The following STIL variants were observed in gnomAD, a reference collection of about 807,000 sequenced individuals.
The protein encoded by STIL is SCL-interrupting locus protein.
Under a neutral mutation model 110.1 loss-of-function variants are expected in STIL, and 55 were observed. The observed-to-expected ratio is 0.50, with a 90% confidence interval of 0.40 to 0.63. The LOEUF is 0.63. Among genes scored for constraint, STIL ranks in the 20% least tolerant of loss-of-function variants. The pLI, the probability that STIL is intolerant of heterozygous loss-of-function variation, is 0.00. For missense variants in STIL, 1,358 were observed against 1,530.0 expected, an observed-to-expected ratio of 0.89 and a Z score of 1.87; for synonymous variants, 481 against 530.0, an observed-to-expected ratio of 0.91 and a Z score of 1.27.
At position 47,281,222 on chromosome 1, in the gene STIL, A is replaced by G. The variant is rs1015455652; in HGVS notation, c.1249-13T>C. On this transcript the variant is annotated splice_polypyrimidine_tract_variant and intron_variant, in intron 11 of 16. Coordinates refer to ENST00000371877, the MANE Select transcript of STIL (RefSeq NM_001048166.1). Reference sequence around the variant, plus strand: ...GGATCTTAGAAATCTACAAATAAGAAAGAAATAGAAAAAAAAAGTATTTTT... The same window carrying G: ...GGATCTTAGAAATCTACAAATAAGAGAGAAATAGAAAAAAAAAGTATTTTT... 6.2e-7 allele frequency: 1 copy of G among 1,608,094 alleles called. No individual in the cohort carries two copies. Among genetic ancestry groups the G allele is most frequent in the African/African-American group, 1.3e-5 (1 of 74,474 alleles).
intron 10 of STIL, among the ~76,000 whole-genome samples, chr1:47,284,647 T>A (rs1056252221): frequency 6.6e-6 from 1 of 152,178 alleles, no homozygotes; most frequent in Non-Finnish European, 1.5e-5. Flanking sequence ...CCCAGCACTT[T>A]GGGAGGCCAA....
intron 16 of STIL, among the ~76,000 whole-genome samples, chr1:47,255,445 A>C (rs1644300857): frequency 6.6e-6 from 1 of 151,718 alleles, no homozygotes; most frequent in Non-Finnish European, 1.5e-5. Context: ...CTACTCAGGA[A>C]GCTAAAGTGG....
At chr1:47,285,840 T>G (rs1384240924) in intron 10 of STIL, among the ~76,000 whole-genome samples, 1 of 152,080 alleles carries the variant, frequency 6.6e-6, no homozygotes, top group Non-Finnish European at 1.5e-5. Context: ...ATTCTTCAAG[T>G]GTGTTTTAGA....
chr1:47,271,445 G>A (rs764283711), intron 13 of STIL, among the ~76,000 whole-genome samples: 12 of 151,304 alleles, frequency 7.9e-5, no homozygotes, highest in Non-Finnish European at 1.8e-4. Context: ...GGTGGCAGGC[G>A]CTTGTAGTCC....
chr1:47,312,915 C>G (rs1646176892), intron 1 of STIL: 1 of 152,166 alleles, frequency 6.6e-6, no homozygotes, highest in South Asian at 2.1e-4. Flanking sequence ...CTTTCCATAC[C>G]CACCACCTTA....
chr1:47,260,284 G>A lies in STIL; in HGVS notation c.3080+5C>T, dbSNP rs1478572009. On this transcript the variant is annotated splice_donor_5th_base_variant and intron_variant, in intron 16 of 16. Coordinates refer to ENST00000371877, the MANE Select transcript of STIL (RefSeq NM_001048166.1). ...CACTCTTTAAAACAAAATTTTAAAA[G>A]TTACCTGGCGTGATCCACGTTATGT... 8 of 1,605,176 alleles carry A rather than the reference G, an allele frequency of 5.0e-6. No homozygotes were observed. The South Asian group carries it at 8.0e-5, about 16-fold the overall frequency.
At chr1:47,272,317 A>G (rs1644865580) in intron 12 of STIL, 76 bp from the exon 13 acceptor site, 1 of 1,487,738 alleles carries the variant, frequency 6.7e-7, no homozygotes, top group African/African-American at 1.4e-5. Flanking sequence ...ATAATGAATT[A>G]CAAAGCGCCC....
At position 47,256,723 on chromosome 1, in the gene STIL, G is replaced by A. The variant is rs142215706; in HGVS notation, c.3080+3566C>T. 1.9e-3 allele frequency among the ~76,000 whole-genome samples: 288 copies of A among 149,586 alleles called. 2 individuals carry two copies. The highest frequency in any genetic ancestry group is 5.6e-3 in the South Asian group (26 of 4,680). ...AGAGTACAAAACATCGGCCAGGCAC[G>A]GTGGCTCACGCCTGTAATCCCAGCA... On this transcript the variant is annotated intron_variant, in intron 16 of 16. Transcript: ENST00000371877.
Position 47,260,279 on chromosome 1 carries a change from T to A in STIL, c.3080+10A>T. 6.2e-7 allele frequency: 1 copy of A among 1,604,564 alleles called. No homozygotes were observed. Among genetic ancestry groups the A allele is most frequent in the Non-Finnish European group, 8.5e-7 (1 of 1,176,862 alleles). The stretch of plus-strand genomic sequence containing the variant: ...TTATTCACTCTTTAAAACAAAATTT[T>A]AAAAGTTACCTGGCGTGATCCACGT... On this transcript the variant is annotated intron_variant, in intron 16 of 16. Transcript: ENST00000371877.
chr1:47,298,299 T>C lies in STIL; in HGVS notation c.701+1606A>G, dbSNP rs144106814. Among the ~76,000 whole-genome samples the C allele has an allele frequency of 1.3e-4, 20 of 152,324 alleles. No individual in the cohort carries two copies. The East Asian group carries it at 3.7e-3, about 28-fold the overall frequency. On this transcript the variant is annotated intron_variant, in intron 6 of 16. Transcript: ENST00000371877. Reference sequence around the variant, plus strand: ...CAAACTTTAAAGTAGAGTAGTTATATTGTCTAACCTAGTTTTATAAATAAT... The same window carrying C: ...CAAACTTTAAAGTAGAGTAGTTATACTGTCTAACCTAGTTTTATAAATAAT...
chr1:47,300,139 T>C lies in STIL; in HGVS notation c.467A>G (p.His156Arg), dbSNP rs141352790. 5.9e-4 allele frequency: 956 copies of C among 1,613,964 alleles called. 1 individual carries two copies. Among genetic ancestry groups the C allele is most frequent in the Non-Finnish European group, 7.8e-4 (917 of 1,179,968 alleles). Residue 156 changes from histidine to arginine, a missense_variant, in exon 6 of 17, where the codon CAT (histidine) becomes CGT (arginine). Coordinates refer to ENST00000371877, the MANE Select transcript of STIL (RefSeq NM_001048166.1). ...GTCCAAGGAATCTTTGCTACATATA[T>C]GGCACTGTAGAGCCTGAGAAATCAA... ...FSSALKALQC[H>R]ICSKDSLDCG... is the part of the protein sequence containing the mutation.
At position 47,289,483 on chromosome 1, in the gene STIL, G is replaced by A; in HGVS notation, c.975C>T (p.Asp325=). Residue 325 remains aspartate, a synonymous_variant, in exon 9 of 17, where the codon GAC becomes GAT. Coordinates refer to ENST00000371877, the MANE Select transcript of STIL (RefSeq NM_001048166.1). Reference sequence around the variant, plus strand: ...TACTGGTTAGCAACTGAAACCGAAAGTCAGGTATCTTGCCATCACAAGGGA... The same window carrying A: ...TACTGGTTAGCAACTGAAACCGAAAATCAGGTATCTTGCCATCACAAGGGA... ...ECFPCDGKIP[D]FRFQLLTSKE... The A allele has an allele frequency of 1.2e-6, 2 of 1,613,898 alleles. No homozygotes were observed. The highest frequency in any genetic ancestry group is 1.7e-6 in the Non-Finnish European group (2 of 1,179,846).
intron 16 of STIL, among the ~76,000 whole-genome samples, chr1:47,252,161 G>A (rs1644203145): frequency 6.6e-6 from 1 of 152,186 alleles, no homozygotes; most frequent in Non-Finnish European, 1.5e-5. Context: ...TGGGAGGATT[G>A]CTTGAAGCCA....
intron 6 of STIL, among the ~76,000 whole-genome samples, chr1:47,298,353 G>C (rs1246837928): frequency 6.6e-6 from 1 of 152,084 alleles, no homozygotes; most frequent in Non-Finnish European, 1.5e-5. Flanking sequence ...AAGATTCAGG[G>C]AAGCAGCCTT....
intron 14 of STIL, 105 bp downstream of exon 14, chr1:47,269,530 A>G: frequency 1.3e-6 from 1 of 775,376 alleles, no homozygotes; most frequent in Non-Finnish European, 2.2e-6. Context: ...TACTGTAAAC[A>G]TGCATCTAAA....
At chr1:47,271,856 T>C (rs1644850883) in intron 13 of STIL, among the ~76,000 whole-genome samples, 1 of 151,608 alleles carries the variant, frequency 6.6e-6, no homozygotes. Context: ...GGGTCCAGCC[T>C]AGAAAAGTAG....
intron 8 of STIL, among the ~76,000 whole-genome samples, chr1:47,290,018 A>G (rs1455991943): frequency 2.6e-5 from 4 of 152,164 alleles, no homozygotes; most frequent in Non-Finnish European, 4.4e-5. Flanking sequence ...TATGAACTTA[A>G]AGCATGATCA....
At chr1:47,252,949 G>T (rs184874062) in intron 16 of STIL, among the ~76,000 whole-genome samples, 3 of 151,906 alleles carry the variant, frequency 2.0e-5, no homozygotes, top group Admixed American at 1.3e-4. Flanking sequence ...TGGAGACAGG[G>T]TCTTGCTCTG....
chr1:47,302,951 C>T (rs993137647), intron 3 of STIL, among the ~76,000 whole-genome samples: 1 of 151,728 alleles, frequency 6.6e-6, no homozygotes, highest in African/African-American at 2.4e-5. Flanking sequence ...GTAACTGAAA[C>T]CATGGAAAGT....
Sources: gnomAD v4.1 joint callset for allele counts (sites outside exome capture counted in the v4.1 genomes callset) on GRCh38, gnomAD v4.1.1 for gene constraint, MANE v1.5 for transcripts, NCBI Gene and HGNC (gene_info 2026-07-23, HGNC 2026-07-21) for gene names.